The following NSMCE2 variants were observed in gnomAD, a reference collection of about 807,000 sequenced individuals.
NSMCE2 encodes the protein E3 SUMO-protein ligase NSE2.
A neutral mutation model predicts 23.8 loss-of-function variants in NSMCE2; 24 were observed. The ratio of observed to expected loss-of-function variants is 1.01; its 90% CI spans 0.73 to 1.42. The LOEUF (loss-of-function observed/expected upper bound fraction) is 1.42. Ranked by LOEUF, NSMCE2 falls within the 40% of genes most tolerant of loss-of-function variation. The pLI is 0.00. For missense variants in NSMCE2, 284 were observed against 296.5 expected, an observed-to-expected ratio of 0.96 and a Z score of 0.31; for synonymous variants, 92 against 94.1, an observed-to-expected ratio of 0.98 and a Z score of 0.13.
chr8:125,239,575 C>T (rs1270102407), intron 5 of NSMCE2, among the ~76,000 whole-genome samples: 2 of 143,216 alleles, frequency 1.4e-5, no homozygotes, highest in African/African-American at 2.6e-5. Context: ...TGCCACTGCA[C>T]TCTAGCCTGG....
intron 5 of NSMCE2, among the ~76,000 whole-genome samples, chr8:125,288,691 G>T (rs915260412): frequency 6.6e-6 from 1 of 152,066 alleles, no homozygotes; most frequent in Non-Finnish European, 1.5e-5. Context: ...TTAGTTCTAT[G>T]CATGTGTCTT....
chr8:125,139,337 A>G (rs1467969552), intron 3 of NSMCE2, among the ~76,000 whole-genome samples: 1 of 152,216 alleles, frequency 6.6e-6, no homozygotes, highest in Non-Finnish European at 1.5e-5. Flanking sequence ...TTCCTCCACT[A>G]ACACTCATAT....
intron 3 of NSMCE2, chr8:125,130,108 TC>T: frequency 6.1e-6 from 2 of 329,854 alleles, no homozygotes; most frequent in South Asian, 4.8e-5. Context: ...CTTTTTTTTT[TC>T]TTGTAATCCT....
intron 5 of NSMCE2, among the ~76,000 whole-genome samples, chr8:125,191,789 A>G (rs1314332688): frequency 6.6e-6 from 1 of 152,222 alleles, no homozygotes; most frequent in Non-Finnish European, 1.5e-5. Context: ...TTGCACATAC[A>G]TCATCTCGCG....
At chr8:125,162,100 A>G (rs1821658114) in intron 4 of NSMCE2, among the ~76,000 whole-genome samples, 2 of 152,180 alleles carry the variant, frequency 1.3e-5, no homozygotes, top group Admixed American at 1.3e-4. Context: ...TTTAAGTGGA[A>G]TAAATTCTGG....
At chr8:125,286,774 CAA>C (rs11403131) in intron 5 of NSMCE2, among the ~76,000 whole-genome samples, 33 of 131,562 alleles carry the variant, frequency 2.5e-4, no homozygotes, top group Admixed American at 3.1e-4. Context: ...AAGCCTAGAG[CAA>C]AAAAAAAAAA....
intron 7 of NSMCE2, among the ~76,000 whole-genome samples, chr8:125,366,076 T>A (rs76099198): frequency 0.057 from 8,716 of 152,126 alleles, 315 homozygotes; most frequent in Non-Finnish European, 0.086. Flanking sequence ...GGTCCTGCCC[T>A]AGATAAGATG....
intron 5 of NSMCE2, among the ~76,000 whole-genome samples, chr8:125,298,477 G>C (rs995920939): frequency 6.6e-6 from 1 of 152,100 alleles, no homozygotes. Context: ...CAGATTGCCT[G>C]GTCCCTTAGC....
intron 5 of NSMCE2, among the ~76,000 whole-genome samples, chr8:125,311,449 A>T (rs1828969908): frequency 6.6e-6 from 1 of 152,226 alleles, no homozygotes; most frequent in African/African-American, 2.4e-5. Flanking sequence ...AAAACATTTC[A>T]TTTGCTCTAA....
Position 125,182,237 on chromosome 8 carries a change from G to A in NSMCE2, c.399G>A (p.Leu133=), listed in dbSNP as rs1466906535. 6.2e-7 allele frequency: 1 copy of A among 1,604,002 alleles called. No homozygotes were observed. Among genetic ancestry groups the A allele is most frequent in the Admixed American group, 1.7e-5 (1 of 57,638 alleles). The change falls in exon 5 of 8, where the codon CTG becomes CTA. Residue 133 remains leucine, a synonymous_variant. Coordinates refer to ENST00000287437, the MANE Select transcript of NSMCE2 (RefSeq NM_173685.4). ...AATTTGTACAGTTTAAACAACAGCT[G>A]AAAGAACTAAAGAAGCAATGTAAGT... ...NEKFVQFKQQ[L]KELKKQCGLQ...
chr8:125,342,443 G>A (rs1422793571), intron 5 of NSMCE2, among the ~76,000 whole-genome samples: 1 of 151,992 alleles, frequency 6.6e-6, no homozygotes, highest in Non-Finnish European at 1.5e-5. Flanking sequence ...TGATTTTGAA[G>A]TCATGTGTCT....
chr8:125,115,253 A>G (rs1323433671), intron 3 of NSMCE2, among the ~76,000 whole-genome samples: 42 of 152,326 alleles, frequency 2.8e-4, no homozygotes, highest in Admixed American at 2.7e-3. Context: ...ACAGCTGGAG[A>G]GCTGGTTATG....
At chr8:125,167,312 T>G (rs976423057) in intron 4 of NSMCE2, among the ~76,000 whole-genome samples, 6 of 152,188 alleles carry the variant, frequency 3.9e-5, no homozygotes, top group African/African-American at 1.4e-4. Flanking sequence ...TAAAACAGAA[T>G]AAGCAGTTAG....
chr8:125,188,410 G>C (rs1823201210), intron 5 of NSMCE2, among the ~76,000 whole-genome samples: 2 of 152,240 alleles, frequency 1.3e-5, no homozygotes, highest in African/African-American at 4.8e-5. Flanking sequence ...AAACCATCAT[G>C]TGCTTGAGAG....
At chr8:125,094,838 T>C (rs1367904982) in intron 1 of NSMCE2, among the ~76,000 whole-genome samples, 1 of 152,148 alleles carries the variant, frequency 6.6e-6, no homozygotes, top group African/African-American at 2.4e-5. Context: ...CCCTGGCGTC[T>C]CTTCCTTTTC....
chr8:125,196,283 A>T (rs1394951217), intron 5 of NSMCE2, among the ~76,000 whole-genome samples: 2 of 148,966 alleles, frequency 1.3e-5, no homozygotes, highest in East Asian at 3.9e-4. Flanking sequence ...TACATGTGCC[A>T]TGTTGGTTTG....
At chr8:125,119,162 T>A (rs1819155076) in intron 3 of NSMCE2, among the ~76,000 whole-genome samples, 1 of 152,170 alleles carries the variant, frequency 6.6e-6, no homozygotes, top group Non-Finnish European at 1.5e-5. Flanking sequence ...TCATCTCACC[T>A]CCTGTTACCG....
At chr8:125,196,196 T>C (rs1270709873) in intron 5 of NSMCE2, among the ~76,000 whole-genome samples, 2 of 150,148 alleles carry the variant, frequency 1.3e-5, no homozygotes, top group Non-Finnish European at 2.9e-5. Context: ...GGATAACTTT[T>C]TTTTTTCTTT....
chr8:125,292,426 T>C (rs1828146788), intron 5 of NSMCE2, among the ~76,000 whole-genome samples: 1 of 151,960 alleles, frequency 6.6e-6, no homozygotes, highest in Non-Finnish European at 1.5e-5. Context: ...TGGTAGCACA[T>C]GCTTGTAATC....
Sources: gnomAD v4.1 joint callset for allele counts (sites outside exome capture counted in the v4.1 genomes callset) on GRCh38, gnomAD v4.1.1 for gene constraint, MANE v1.5 for transcripts, NCBI Gene and HGNC (gene_info 2026-07-23, HGNC 2026-07-21) for gene names.